The following BACH2 variants were observed in gnomAD, a reference collection of about 807,000 sequenced individuals.
The protein encoded by BACH2 is BACH transcriptional regulator 2.
BACH2 carries 5 observed loss-of-function variants against 61.8 expected under a neutral mutation model. The ratio of observed to expected loss-of-function variants is 0.08; its 90% CI spans 0.04 to 0.17. The LOEUF is 0.17. BACH2 is among the 10% of genes least tolerant of loss of function. The pLI is 1.00. For synonymous variants in BACH2, 446 were observed against 440.1 expected (o/e 1.01, Z -0.17); for missense variants, 824 against 1,091.1 (o/e 0.76, Z 3.45).
At chr6:89,986,187 T>C (rs1776228002) in intron 6 of BACH2, among the ~76,000 whole-genome samples, 1 of 150,954 alleles carries the variant, frequency 6.6e-6, no homozygotes, top group Non-Finnish European at 1.5e-5. Context: ...TCTGTAAGGA[T>C]GGCTTTTTTC....
intron 4 of BACH2, among the ~76,000 whole-genome samples, chr6:90,134,343 A>C (rs1393323643): frequency 1.3e-5 from 2 of 152,226 alleles, no homozygotes; most frequent in Admixed American, 6.5e-5. Flanking sequence ...TAATTTAGAA[A>C]TATTTCTGTA....
chr6:90,090,392 G>A (rs1782111148), intron 4 of BACH2, among the ~76,000 whole-genome samples: 1 of 152,078 alleles, frequency 6.6e-6, no homozygotes, highest in African/African-American at 2.4e-5. Flanking sequence ...TAAACTTTGA[G>A]AGTCTTGATT....
chr6:90,030,981 C>T (rs1459354683), intron 5 of BACH2, among the ~76,000 whole-genome samples: 1 of 120,234 alleles, frequency 8.3e-6, no homozygotes, highest in Non-Finnish European at 1.6e-5. Flanking sequence ...ACAAATCCAG[C>T]AGCACATCAA....
At chr6:90,059,171 A>G (rs1411778251) in intron 5 of BACH2, among the ~76,000 whole-genome samples, 1 of 152,276 alleles carries the variant, frequency 6.6e-6, no homozygotes, top group South Asian at 2.1e-4. Context: ...AGAAACTACC[A>G]TCAGAGTGAA....
intron 4 of BACH2, among the ~76,000 whole-genome samples, chr6:90,162,490 A>T (rs1235759741): frequency 1.3e-5 from 2 of 152,004 alleles, no homozygotes; most frequent in African/African-American, 4.8e-5. Context: ...AATTTTTTAA[A>T]AATTAGCTGG....
intron 1 of BACH2, among the ~76,000 whole-genome samples, chr6:90,284,582 G>C (rs539509894): frequency 5.9e-5 from 9 of 152,188 alleles, no homozygotes; most frequent in African/African-American, 2.2e-4. Context: ...AGCCCCGACA[G>C]GAGATGCTTA....
At chr6:90,285,790 C>T (rs895314517) in intron 1 of BACH2, among the ~76,000 whole-genome samples, 34 of 152,166 alleles carry the variant, frequency 2.2e-4, no homozygotes, top group Admixed American at 2.2e-3. Flanking sequence ...TACAGTGCGG[C>T]CAGCTGAGTG....
intron 6 of BACH2, among the ~76,000 whole-genome samples, chr6:89,979,728 A>G (rs1775848197): frequency 6.6e-6 from 1 of 152,240 alleles, no homozygotes; most frequent in South Asian, 2.1e-4. Context: ...TGCTATACAG[A>G]TATGAGTTTG....
At chr6:90,061,797 A>G (rs1780698868) in intron 5 of BACH2, among the ~76,000 whole-genome samples, 1 of 152,300 alleles carries the variant, frequency 6.6e-6, no homozygotes, top group Admixed American at 6.5e-5. Context: ...GAAGCTATTG[A>G]GAAGCTGAGG....
chr6:90,265,383 A>G (rs1460010886), intron 2 of BACH2, among the ~76,000 whole-genome samples: 2 of 152,250 alleles, frequency 1.3e-5, no homozygotes, highest in Admixed American at 1.3e-4. Context: ...AGCTTCCACA[A>G]GAAAGAGAAC....
chr6:90,204,122 T>C (rs1562502420), intron 4 of BACH2, among the ~76,000 whole-genome samples: 1 of 152,134 alleles, frequency 6.6e-6, no homozygotes, highest in Non-Finnish European at 1.5e-5. Context: ...ACAAGGACCC[T>C]AGAACGCCAG....
At chr6:90,243,797 A>G (rs752243177) in intron 3 of BACH2, among the ~76,000 whole-genome samples, 1 of 152,176 alleles carries the variant, frequency 6.6e-6, no homozygotes, top group Non-Finnish European at 1.5e-5. Flanking sequence ...ACAGTTCCCC[A>G]TCTCACCCCA....
At chr6:90,261,407 C>T (rs1370344864) in intron 2 of BACH2, among the ~76,000 whole-genome samples, 3 of 152,184 alleles carry the variant, frequency 2.0e-5, no homozygotes, top group Admixed American at 6.5e-5. Context: ...ACAACTCTTG[C>T]TCTCCTTCCC....
Position 90,132,911 on chromosome 6 carries a change from T to C in BACH2, c.-161-43802A>G, listed in dbSNP as rs140419887. 2.3e-3 allele frequency among the ~76,000 whole-genome samples: 347 copies of C among 152,308 alleles called. 3 individuals are homozygous for C. The highest frequency in any genetic ancestry group is 7.7e-3 in the African/African-American group (319 of 41,570). ...TTTTCCCACCCAAAGTGCCCACTTC[T>C]GTCCAGTTACGCTCCAAGACCCAGT... On this transcript the variant is annotated intron_variant, in intron 4 of 8. Transcript: ENST00000257749.
At chr6:89,973,092 A>AAAC (rs540650754) in intron 6 of BACH2, among the ~76,000 whole-genome samples, 5 of 152,098 alleles carry the variant, frequency 3.3e-5, no homozygotes, top group Non-Finnish European at 5.9e-5. Context: ...TTCCATTTCA[A>AAAC]AACAACAACA....
intron 4 of BACH2, among the ~76,000 whole-genome samples, chr6:90,129,509 CT>C (rs936718934): frequency 2.6e-5 from 4 of 151,172 alleles, no homozygotes; most frequent in South Asian, 2.1e-4. Flanking sequence ...TGGTTTCTTT[CT>C]TTTTTTTTAT....
intron 3 of BACH2, among the ~76,000 whole-genome samples, chr6:90,250,094 T>C (rs945969161): frequency 6.6e-6 from 1 of 152,222 alleles, no homozygotes; most frequent in Admixed American, 6.5e-5. Context: ...TGGTAAATAC[T>C]GATCTAGGCC....
rs533958103 is a variant in BACH2, at chr6:90,187,059, C to T, written c.-162+19510G>A. 2.6e-5 allele frequency among the ~76,000 whole-genome samples: 4 copies of T among 152,180 alleles called. No homozygotes were observed. In the South Asian group the frequency reaches 8.3e-4, roughly 32 times the overall value. ...GTCTTCCTCTATATTAAGAAGGATGCCCTATAAAAAATTAGAAATTCTGCC... is the reference window on the plus strand; with the variant it reads ...GTCTTCCTCTATATTAAGAAGGATGTCCTATAAAAAATTAGAAATTCTGCC... On this transcript the variant is annotated intron_variant, in intron 4 of 8. Coordinates refer to ENST00000257749, the MANE Select transcript of BACH2 (RefSeq NM_021813.4).
intron 4 of BACH2, among the ~76,000 whole-genome samples, chr6:90,101,491 A>T (rs554957981): frequency 4.1e-4 from 62 of 152,298 alleles, no homozygotes; most frequent in African/African-American, 1.5e-3. Context: ...TGTTGAAAAG[A>T]CTGTTCTTTC....
Sources: gnomAD v4.1 joint callset for allele counts (sites outside exome capture counted in the v4.1 genomes callset) on GRCh38, gnomAD v4.1.1 for gene constraint, MANE v1.5 for transcripts, NCBI Gene and HGNC (gene_info 2026-07-23, HGNC 2026-07-21) for gene names.